Variants in TAF9 observed in about 807,000 individuals in gnomAD.
The protein encoded by TAF9 is transcription initiation factor TFIID subunit 9.
Under a neutral mutation model 16.5 loss-of-function variants are expected in TAF9, and 10 were observed. That is an observed-to-expected ratio of 0.61 (90% CI 0.37 to 1.03). The LOEUF (loss-of-function observed/expected upper bound fraction) is 1.03, where lower values mean the gene tolerates loss of function less well. TAF9 is among the 50% of genes least tolerant of loss of function. The pLI, the probability that TAF9 is intolerant of heterozygous loss-of-function variation, is 0.01. For missense variants in TAF9, 288 were observed against 319.1 expected (o/e 0.90, Z 0.74); for synonymous variants, 105 against 120.5 (o/e 0.87, Z 0.84).
chr5:69,366,949 G>A lies in TAF9; in HGVS notation c.-110-354C>T, dbSNP rs111849642. 56 of 212,236 alleles carry A rather than the reference G, an allele frequency of 2.6e-4. 2 individuals are homozygous for A. The highest frequency in any genetic ancestry group is 1.1e-3 in the African/African-American group (50 of 44,014). 13.1% of individuals were successfully genotyped at this position (212,236 alleles called of 1,614,324 possible). A position where few individuals can be genotyped will look rare whatever the true frequency, so the allele number is the denominator to read the frequency against. ...AATTTTTGTATTTTCAGTAGAGACC[G>A]GGTTTCACCATATTGGCCAGGCTGG... is the stretch of plus-strand genomic sequence containing the variant. On this transcript the variant is annotated intron_variant, in intron 1 of 2. Coordinates refer to ENST00000217893, the MANE Select transcript of TAF9 (RefSeq NM_003187.5).
chr5:69,365,842 A>T, intron 2 of TAF9, 88 bp from the exon 3 acceptor site: 1 of 1,013,892 alleles, frequency 9.9e-7, no homozygotes, highest in African/African-American at 1.6e-5. Flanking sequence ...AAAAAATTTT[A>T]AATCTATGTT....
rs753648332 is a variant in TAF9, at chr5:69,364,996, G to A, written c.742C>T (p.Arg248Cys). The A allele has an allele frequency of 8.1e-6, 13 of 1,613,610 alleles. No individual in the cohort carries two copies. Among genetic ancestry groups the A allele is most frequent in the African/African-American group, 4.0e-5 (3 of 74,882 alleles). ...TCATCGTCATCATCATCATCTTCAC[G>A]TTTTCTTTTCAATGCATTTGATGAT... ...NESSNALKRK[R>C]EDDDDDDDDD... The change falls in exon 3 of 3, where the codon CGT becomes TGT. Residue 248 changes from arginine (R) to cysteine (C), a missense_variant. Coordinates refer to ENST00000217893, the MANE Select transcript of TAF9 (RefSeq NM_003187.5).
intron 1 of TAF9, 141 bp downstream of exon 1, chr5:69,369,322 G>C (rs901160778): frequency 1.4e-5 from 10 of 716,456 alleles, no homozygotes; most frequent in Admixed American, 5.4e-5. Context: ...GTCGGCTCCC[G>C]GGGCGCTGAC....
upstream of TAF9, chr5:69,369,548 G>A (rs1209502173): frequency 3.2e-5 from 51 of 1,609,856 alleles, no homozygotes; most frequent in South Asian, 3.6e-4. Flanking sequence ...TCTACAGGGA[G>A]GAGCCGGAAG....
chr5:69,366,407 G>GT (rs1238596275), intron 2 of TAF9, 96 bp downstream of exon 2: 3 of 936,962 alleles, frequency 3.2e-6, no homozygotes, highest in Non-Finnish European at 5.0e-6. Context: ...GGCAATCTCT[G>GT]TTTTTTGTAC....
At chr5:69,369,373 T>C in intron 1 of TAF9, 90 bp downstream of exon 1, 2 of 1,469,792 alleles carry the variant, frequency 1.4e-6, no homozygotes, top group Non-Finnish European at 1.8e-6. Flanking sequence ...AAGAGGGCAG[T>C]GAGGGGCCCC....
chr5:69,365,154 TGA>T lies in TAF9; in HGVS notation c.582_583del (p.Gln195ValfsTer20), dbSNP rs751838183. Reference sequence around the variant, plus strand: ...AATTGAAGCTTTTACAGCTGGAGACTGAGAAGTAGGCATCTGTACTGTAAACC... The same window carrying T: ...AATTGAAGCTTTTACAGCTGGAGACTGAAGTAGGCATCTGTACTGTAAACC... On this transcript the variant is annotated frameshift_variant, in exon 3 of 3. Coordinates refer to ENST00000217893, the MANE Select transcript of TAF9 (RefSeq NM_003187.5). LOFTEE classifies it high-confidence loss of function. The T allele has an allele frequency of 6.2e-7, 1 of 1,614,222 alleles. No homozygotes were observed. The highest frequency in any genetic ancestry group is 8.5e-7 in the Non-Finnish European group (1 of 1,180,038).
chr5:69,369,226 A>ACACC, intron 1 of TAF9: 1 of 123,114 alleles, frequency 8.1e-6, no homozygotes, highest in South Asian at 1.6e-4. Flanking sequence ...ACCTCTCTCC[A>ACACC]CCCCCCCCCG....
intron 1 of TAF9, chr5:69,369,236 GCCC>G (rs35387047): frequency 8.4e-6 from 1 of 119,284 alleles, no homozygotes; most frequent in Non-Finnish European, 1.6e-5. Context: ...ACCCCCCCCC[GCCC>G]CCCCCCGGAG....
intron 1 of TAF9, 61 bp from the exon 2 acceptor site, chr5:69,366,656 A>G: frequency 8.5e-7 from 1 of 1,180,656 alleles, no homozygotes; most frequent in East Asian, 2.3e-5. Context: ...ACTGCGGTCC[A>G]CCTTCTGCCT....
In TAF9 at chr5:69,364,878, G is replaced by C. The variant is rs1762346591; in HGVS notation, c.*65C>G. On this transcript the variant is annotated 3_prime_UTR_variant, in exon 3 of 3. Coordinates refer to ENST00000217893, the MANE Select transcript of TAF9 (RefSeq NM_003187.5). ...AACACAACTTGAAAACATCCAGCAT[G>C]CATGTTTAATATCAGTACAATGAAT... The C allele has an allele frequency of 1.4e-6, 2 of 1,390,566 alleles. No individual in the cohort carries two copies. Among genetic ancestry groups the C allele is most frequent in the Admixed American group, 4.0e-5 (2 of 50,206 alleles). The allele number at this position is 1,390,566 out of a possible 1,614,324, so 86.1% of individuals were successfully genotyped here.
upstream of TAF9, chr5:69,369,698 G>A (rs1762795564): frequency 1.3e-6 from 2 of 1,552,848 alleles, no homozygotes; most frequent in South Asian, 2.4e-5. Flanking sequence ...GTTGGAGGGT[G>A]GGCATAACTC....
rs1034073257 is a variant in TAF9, at chr5:69,367,444, A to G, written c.-110-849T>C. On this transcript the variant is annotated intron_variant, in intron 1 of 2. Transcript: ENST00000217893. ...AGAATCCCTTGAACCAGGTAGTTGT[A>G]GGATGCAGTGAGCCAAGATCGCGCC... Among the ~76,000 whole-genome samples the G allele has an allele frequency of 2.7e-5, 4 of 148,276 alleles. No homozygotes were observed. The East Asian group carries it at 8.3e-4, about 31-fold the overall frequency.
In TAF9 at chr5:69,365,255, T is replaced by A. The variant is rs755421640; in HGVS notation, c.483A>T (p.Thr161=). 1.2e-6 allele frequency: 2 copies of A among 1,614,194 alleles called. No homozygotes were observed. The highest frequency in any genetic ancestry group is 4.5e-5 in the East Asian group (2 of 44,892). The change falls in exon 3 of 3, where the codon ACA becomes ACT. Residue 161 remains threonine, a synonymous_variant. Coordinates refer to ENST00000217893, the MANE Select transcript of TAF9 (RefSeq NM_003187.5). ...TGGTCTGTGGGGTTGGTGTGCCTAG[T>A]GTGGGAGTACTTGGTCTGCTAGTAA... ...GSVTSRPSTP[T]LGTPTPQTMS... is the part of the protein sequence containing the mutation.
At position 69,364,958 on chromosome 5, in the gene TAF9, G is replaced by C; in HGVS notation, c.780C>G (p.Asp260Glu). 6.2e-7 allele frequency: 1 copy of C among 1,610,798 alleles called. No individual in the cohort carries two copies. Among genetic ancestry groups the C allele is most frequent in the South Asian group, 1.1e-5 (1 of 90,722 alleles). Residue 260 changes from aspartate (D) to glutamate (E), a missense_variant, in exon 3 of 3, where the codon GAC (aspartate) becomes GAG (glutamate). Transcript: ENST00000217893. ...DDDDDDDDDD[D>E]YDNL is the part of the protein sequence containing the mutation. Reference sequence around the variant, plus strand: ...CAAGGCTAGATTACAGATTATCATAGTCATCATCATCATCATCGTCATCAT... The same window carrying C: ...CAAGGCTAGATTACAGATTATCATACTCATCATCATCATCATCGTCATCAT...
intron 1 of TAF9, 178 bp from the exon 2 acceptor site, chr5:69,366,773 T>A (rs1461648870): frequency 3.4e-6 from 2 of 591,176 alleles, no homozygotes; most frequent in Non-Finnish European, 6.0e-6. Context: ...AAATTTTTTT[T>A]TTGAGACAGA....
intron 1 of TAF9, chr5:69,369,226 A>T: frequency 8.1e-6 from 1 of 123,114 alleles, no homozygotes; most frequent in Non-Finnish European, 1.6e-5. Flanking sequence ...ACCTCTCTCC[A>T]CCCCCCCCCG....
At position 69,369,463 on chromosome 5, in the gene TAF9, C is replaced by T. The variant is rs768820633; in HGVS notation, c.-111G>A. Reference sequence around the variant, plus strand: ...GTCCCTCCCGGCCGCGCGCCCTGACCGGTGAGCAGGATGTTCGGAAGCAAC... The same window carrying T: ...GTCCCTCCCGGCCGCGCGCCCTGACTGGTGAGCAGGATGTTCGGAAGCAAC... On this transcript the variant is annotated splice_region_variant and 5_prime_UTR_variant, in exon 1 of 3. Transcript: ENST00000217893. The T allele has an allele frequency of 6.2e-6, 10 of 1,610,644 alleles. No homozygotes were observed. The East Asian group carries it at 1.3e-4, about 22-fold the overall frequency.
chr5:69,365,423 T>C lies in TAF9; in HGVS notation c.315A>G (p.Pro105=), dbSNP rs376343029. 97 of 1,614,234 alleles carry C rather than the reference T, an allele frequency of 6.0e-5. No homozygotes were observed. In the East Asian group the frequency reaches 1.2e-3, roughly 21 times the overall value. ...TAGGACCTGAATATGGCTTGATCAATGGCAAAGGGGTTTGATTTCTTTGCC... is the reference window on the plus strand; with the variant it reads ...TAGGACCTGAATATGGCTTGATCAACGGCAAAGGGGTTTGATTTCTTTGCC... ...IARQRNQTPL[P]LIKPYSGPRL... Residue 105 remains proline (P), a synonymous_variant, in exon 3 of 3, where the codon CCA becomes CCG. Coordinates refer to ENST00000217893, the MANE Select transcript of TAF9 (RefSeq NM_003187.5).
Sources: allele counts gnomAD v4.1 joint callset (sites outside exome capture counted in the v4.1 genomes callset), GRCh38; gene constraint gnomAD v4.1.1; transcripts MANE v1.5; gene names NCBI Gene and HGNC (gene_info 2026-07-23, HGNC 2026-07-21).